E2F6: variants seen among roughly 807,000 people sequenced by gnomAD.
The protein encoded by E2F6 is transcription factor E2F6.
In E2F6, 19 loss-of-function variants were observed where a neutral mutation model predicts 31.5. The observed-to-expected ratio is 0.60, with a 90% confidence interval of 0.42 to 0.89. The LOEUF is 0.89. Among genes scored for constraint, E2F6 ranks in the 40% least tolerant of loss-of-function variants. The pLI, the probability that E2F6 is intolerant of heterozygous loss-of-function variation, is 0.00. For missense variants in E2F6, 269 were observed against 341.6 expected, an observed-to-expected ratio of 0.79 and a Z score of 1.67; for synonymous variants, 121 against 127.7, an observed-to-expected ratio of 0.95 and a Z score of 0.36.
rs1181911208 is a variant in E2F6, at chr2:11,457,191, C to A, written c.151G>T (p.Val51Leu). The A allele has an allele frequency of 6.4e-7, 1 of 1,564,314 alleles. No individual in the cohort carries two copies. Among genetic ancestry groups the A allele is most frequent in the East Asian group, 2.3e-5 (1 of 44,334 alleles). ...RINLEDNVQY[V>L]SMRKALKVKR... is the part of the protein sequence containing the mutation. ...GGAATCAACTTACTTCTCATGGACA[C>A]ATATTGTACATTATCTTCTAAATTA... Residue 51 changes from valine to leucine, a missense_variant, in exon 2 of 7, where the codon GTG becomes TTG. Physicochemically the swap from Val to Leu is conservative, Grantham distance 32 (BLOSUM62 1). Transcript: ENST00000381525.
In E2F6 at chr2:11,465,840, G is replaced by C; in HGVS notation, c.40C>G (p.Leu14Val). The change falls in exon 1 of 7, where the codon CTC becomes GTC. Residue 14 changes from leucine to valine, a missense_variant. Leu to Val is a conservative substitution (Grantham distance 32, BLOSUM62 1). Coordinates refer to ENST00000381525, the MANE Select transcript of E2F6 (RefSeq NM_198256.4). ...QRPARKLPSL[L>V]LDPTEETVRR... ...ACCGTCTCCTCCGTCGGGTCCAGGA[G>C]GAGACTGGGTAACTTCCTCGCCGGC... is the stretch of plus-strand genomic sequence containing the variant. The C allele has an allele frequency of 6.3e-7, 1 of 1,590,408 alleles. No individual in the cohort carries two copies. The highest frequency in any genetic ancestry group is 8.6e-7 in the Non-Finnish European group (1 of 1,169,476).
intron 5 of E2F6, among the ~76,000 whole-genome samples, chr2:11,448,146 G>A (rs1670840916): frequency 6.6e-6 from 1 of 152,122 alleles, no homozygotes; most frequent in Non-Finnish European, 1.5e-5. Flanking sequence ...GATAATGGAA[G>A]GGCCATTCTT....
At chr2:11,454,670 A>C (rs576454135) in intron 2 of E2F6, among the ~76,000 whole-genome samples, 27 of 152,142 alleles carry the variant, frequency 1.8e-4, no homozygotes, top group Admixed American at 1.5e-3. Flanking sequence ...CTATTTTTAA[A>C]AATATTCACT....
At chr2:11,461,015 T>C (rs1176724941) in intron 1 of E2F6, among the ~76,000 whole-genome samples, 3 of 151,280 alleles carry the variant, frequency 2.0e-5, no homozygotes, top group East Asian at 1.9e-4. Flanking sequence ...GGTCTAGTAA[T>C]AGGTCTAGAA....
Position 11,453,787 on chromosome 2 carries a change from C to T in E2F6, c.175G>A (p.Val59Met). ...GATACATCAAAACGAGGTCTCTTCA[C>T]TTTTAGAGCTTCTGGGAAACAAAAT... Reference protein sequence around the residue: ...QYVSMRKALKVKRPRFDVSLV... With the variant: ...QYVSMRKALKMKRPRFDVSLV... Residue 59 changes from valine to methionine, a missense_variant, in exon 3 of 7, where the codon GTG becomes ATG. Physicochemically the swap from Val to Met is conservative, Grantham distance 21. Transcript: ENST00000381525. The T allele has an allele frequency of 2.5e-6, 4 of 1,612,634 alleles. No homozygotes were observed. Among genetic ancestry groups the T allele is most frequent in the Non-Finnish European group, 2.5e-6 (3 of 1,179,350 alleles).
At chr2:11,457,158 C>A in intron 2 of E2F6, 21 bp downstream of exon 2, 1 of 1,523,748 alleles carries the variant, frequency 6.6e-7, no homozygotes. Context: ...AAACCTAAAA[C>A]CTATTCAGGA....
chr2:11,463,024 G>C (rs530392192), intron 1 of E2F6, among the ~76,000 whole-genome samples: 118 of 152,324 alleles, frequency 7.7e-4, no homozygotes, highest in African/African-American at 2.7e-3. Context: ...GAAAATACCA[G>C]AACTGTATGT....
chr2:11,462,801 A>G (rs375950082), intron 1 of E2F6, among the ~76,000 whole-genome samples: 134 of 152,308 alleles, frequency 8.8e-4, no homozygotes, highest in Middle Eastern at 3.4e-3. Context: ...TCATGACACT[A>G]CTGAGAATGG....
At chr2:11,459,077 G>A (rs888336327) in intron 1 of E2F6, among the ~76,000 whole-genome samples, 4 of 151,914 alleles carry the variant, frequency 2.6e-5, no homozygotes, top group African/African-American at 4.8e-5. Context: ...GGCCAGCTAC[G>A]GTAGCAAGAT....
chr2:11,457,479 C>T (rs1451887673), intron 1 of E2F6, among the ~76,000 whole-genome samples: 4 of 152,064 alleles, frequency 2.6e-5, no homozygotes, highest in Admixed American at 2.6e-4. Context: ...AAAAATTAGC[C>T]GGGCGTGGTG....
chr2:11,464,470 T>C (rs1378186683), intron 1 of E2F6, among the ~76,000 whole-genome samples: 1 of 130,000 alleles, frequency 7.7e-6, no homozygotes, highest in Non-Finnish European at 1.5e-5. Context: ...TGAACCGAGA[T>C]CAGGCCACTG....
At chr2:11,463,315 C>T (rs570965919) in intron 1 of E2F6, among the ~76,000 whole-genome samples, 5 of 152,180 alleles carry the variant, frequency 3.3e-5, no homozygotes, top group Admixed American at 2.6e-4. Flanking sequence ...AAGACCTTTA[C>T]GATGACCTAA....
At chr2:11,464,106 CA>C (rs1262497884) in intron 1 of E2F6, among the ~76,000 whole-genome samples, 1 of 152,062 alleles carries the variant, frequency 6.6e-6, no homozygotes, top group Non-Finnish European at 1.5e-5. Context: ...AAAACTACAA[CA>C]GCTGCTGGAA....
Position 11,451,761 on chromosome 2 carries a change from C to G in E2F6, c.426G>C (p.Lys142Asn), listed in dbSNP as rs556818747. 2.5e-6 allele frequency: 4 copies of G among 1,608,972 alleles called. No homozygotes were observed. The Admixed American group carries it at 6.7e-5, about 27-fold the overall frequency. ...ATAAGTCAGAAAGTTCCTCCTGTAGCTTCTTTTGTTGGGGAACTGCTCCAA... is the reference window on the plus strand; with the variant it reads ...ATAAGTCAGAAAGTTCCTCCTGTAGGTTCTTTTGTTGGGGAACTGCTCCAA... ...SNFGAVPQQK[K>N]LQEELSDLSA... The change falls in exon 4 of 7, where the codon AAG becomes AAC. Residue 142 changes from lysine (K) to asparagine (N), a missense_variant. Transcript: ENST00000381525.
intron 3 of E2F6, among the ~76,000 whole-genome samples, chr2:11,453,151 T>G (rs1215805791): frequency 6.6e-6 from 1 of 152,174 alleles, no homozygotes; most frequent in Non-Finnish European, 1.5e-5. Context: ...CTTTAGCAAC[T>G]GTCTTTTAGA....
Position 11,444,713 on chromosome 2 carries a change from C to T in E2F6, c.*1764G>A, listed in dbSNP as rs1670618676. On this transcript the variant is annotated 3_prime_UTR_variant, in exon 7 of 7. Coordinates refer to ENST00000381525, the MANE Select transcript of E2F6 (RefSeq NM_198256.4). The stretch of plus-strand genomic sequence containing the variant: ...GCTTAAACTATCGCATCTAAACTGA[C>T]ATCTGCCTGACGTACTACACAGCTC... 2 of 152,122 alleles carry T rather than the reference C, an allele frequency of 1.3e-5. No individual in the cohort carries two copies. The highest frequency in any genetic ancestry group is 1.3e-4 in the Admixed American group (2 of 15,274). The allele number at this position is 152,122 out of a possible 1,614,324, so 9.4% of individuals were successfully genotyped here. A position where few individuals can be genotyped will look rare whatever the true frequency, so the allele number is the denominator to read the frequency against.
chr2:11,464,596 G>A (rs1458346458), intron 1 of E2F6, among the ~76,000 whole-genome samples: 1 of 151,606 alleles, frequency 6.6e-6, no homozygotes, highest in Non-Finnish European at 1.5e-5. Flanking sequence ...GGAATCAAGG[G>A]AGAGATCTTT....
At chr2:11,455,299 A>G in intron 2 of E2F6, 1 of 1,053,440 alleles carries the variant, frequency 9.5e-7, no homozygotes, top group Non-Finnish European at 1.2e-6. Context: ...CTACTTCCAC[A>G]GCACACCACA....
At chr2:11,447,149 T>C (rs778210982) in intron 6 of E2F6, among the ~76,000 whole-genome samples, 9 of 152,232 alleles carry the variant, frequency 5.9e-5, no homozygotes, top group Non-Finnish European at 1.2e-4. Context: ...ATGGAGTCAC[T>C]GCTCTGGCCA....
Sources: allele counts gnomAD v4.1 joint callset (sites outside exome capture counted in the v4.1 genomes callset), GRCh38; gene constraint gnomAD v4.1.1; transcripts MANE v1.5; gene names NCBI Gene and HGNC (gene_info 2026-07-23, HGNC 2026-07-21).